EBNA1BP2: variants seen among roughly 807,000 people sequenced by gnomAD.
EBNA1BP2 encodes probable rRNA-processing protein EBP2.
A neutral mutation model predicts 43.5 loss-of-function variants in EBNA1BP2; 36 were observed. That is an observed-to-expected ratio of 0.83 (90% CI 0.63 to 1.09). The LOEUF (loss-of-function observed/expected upper bound fraction) is 1.09. Among genes scored for constraint, EBNA1BP2 ranks in the 50% least tolerant of loss-of-function variants. The pLI, the probability that EBNA1BP2 is intolerant of heterozygous loss-of-function variation, is 0.00. For synonymous variants in EBNA1BP2, 127 were observed against 141.3 expected (o/e 0.90, Z 0.72); for missense variants, 332 against 379.1 (o/e 0.88, Z 1.03).
upstream of EBNA1BP2, chr1:43,172,413 T>G: frequency 6.4e-7 from 1 of 1,551,264 alleles, no homozygotes. Flanking sequence ...GTAGCGCCTC[T>G]GGATACATGC....
chr1:43,171,792 C>A, intron 2 of EBNA1BP2, 94 bp downstream of exon 2: 1 of 1,573,340 alleles, frequency 6.4e-7, no homozygotes, highest in South Asian at 1.2e-5. Flanking sequence ...GCGCAGGGTG[C>A]ATCTTTCCTG....
chr1:43,170,680 A>G (rs926407697), intron 4 of EBNA1BP2, 76 bp downstream of exon 4: 1 of 1,544,210 alleles, frequency 6.5e-7, no homozygotes, highest in Non-Finnish European at 8.7e-7. Flanking sequence ...TTGGGCTCAT[A>G]GCTATCTTTC....
chr1:43,172,370 T>G, upstream of EBNA1BP2: 2 of 1,551,552 alleles, frequency 1.3e-6, no homozygotes, highest in Non-Finnish European at 1.7e-6. Flanking sequence ...CTACGGCGTT[T>G]GAAAGTGTCC....
rs1339842512 is a variant in EBNA1BP2 at position 43,170,744 on chromosome 1, T to A, written c.447+12A>T. Reference sequence around the variant, plus strand: ...AGTTTTGACTTTCCAGAGGAAAACTTCTATTTCTTACCTTCTGCATCTGCA... The same window carrying A: ...AGTTTTGACTTTCCAGAGGAAAACTACTATTTCTTACCTTCTGCATCTGCA... On this transcript the variant is annotated intron_variant, in intron 4 of 8. Transcript: ENST00000236051. 1.9e-6 allele frequency: 3 copies of A among 1,601,906 alleles called. No individual in the cohort carries two copies. The South Asian group carries it at 3.4e-5, about 18-fold the overall frequency.
At chr1:43,171,793 A>G in intron 2 of EBNA1BP2, 93 bp downstream of exon 2, 2 of 1,575,894 alleles carry the variant, frequency 1.3e-6, no homozygotes, top group Non-Finnish European at 8.6e-7. Flanking sequence ...CGCAGGGTGC[A>G]TCTTTCCTGG....
At chr1:43,168,505 G>A (rs115548039) in intron 5 of EBNA1BP2, among the ~76,000 whole-genome samples, 3,215 of 152,286 alleles carry the variant, frequency 0.021, 120 homozygotes, top group African/African-American at 0.074. Flanking sequence ...CTTCAGGTAC[G>A]TGATTATCAC....
intron 4 of EBNA1BP2, among the ~76,000 whole-genome samples, chr1:43,169,687 C>A (rs1188587829): frequency 2.0e-5 from 3 of 152,178 alleles, no homozygotes; most frequent in Admixed American, 6.5e-5. Context: ...CCTACACTCG[C>A]CTCCAGTATC....
chr1:43,172,391 G>C, upstream of EBNA1BP2: 1 of 1,551,522 alleles, frequency 6.4e-7, no homozygotes, highest in Non-Finnish European at 8.7e-7. Context: ...GGGTTGCTTA[G>C]GATCCCTACA....
Position 43,172,228 on chromosome 1 carries a change from C to T in EBNA1BP2, c.-110G>A, listed in dbSNP as rs1644989738. ...TGCTGCCTGCCTTCAGCCCCCTACT[C>T]CCACGCCGTGGCTCCACGTGCCACC... is the stretch of plus-strand genomic sequence containing the variant. On this transcript the variant is annotated 5_prime_UTR_variant, in exon 1 of 9. Transcript: ENST00000236051. 1 of 1,573,162 alleles carries T rather than the reference C, an allele frequency of 6.4e-7. No homozygotes were observed. Among genetic ancestry groups the T allele is most frequent in the East Asian group, 2.4e-5 (1 of 42,366 alleles).
rs201475646 is a variant in EBNA1BP2, at chr1:43,171,602, A to C, written c.200T>G (p.Val67Gly). The C allele has an allele frequency of 1.7e-5, 27 of 1,614,134 alleles. No homozygotes were observed. The highest frequency in any genetic ancestry group is 2.0e-5 in the Non-Finnish European group (24 of 1,180,028). The part of the protein sequence containing the change: ...LAEFKRDLEW[V>G]ERLDVTLGPV... ...ACCCAGTGTCACATCGAGCCTTTCAACCCATTCCAGATCCCGCTTGAATTC... is the reference window on the plus strand; with the variant it reads ...ACCCAGTGTCACATCGAGCCTTTCACCCCATTCCAGATCCCGCTTGAATTC... The change falls in exon 3 of 9, where the codon GTT (valine) becomes GGT (glycine). Residue 67 changes from valine (V) to glycine (G), a missense_variant. Transcript: ENST00000236051.
In EBNA1BP2 at chr1:43,171,569, G is replaced by T; in HGVS notation, c.233C>A (p.Pro78Gln). 1 of 1,614,118 alleles carries T rather than the reference G, an allele frequency of 6.2e-7. No individual in the cohort carries two copies. The highest frequency in any genetic ancestry group is 1.1e-5 in the South Asian group (1 of 91,076). ...ERLDVTLGPV[P>Q]EIGGSEAPAP... ...TGGCGCCTCAGATCCACCGATCTCC[G>T]GTACCGGACCCAGTGTCACATCGAG... Residue 78 changes from proline to glutamine, a missense_variant, in exon 3 of 9, where the codon CCG becomes CAG. Pro to Gln is a moderately conservative substitution (Grantham distance 76). Around this residue, in one of 3 missense-constraint regions of EBNA1BP2, gnomAD observed 182 missense variants for 173.7 expected, o/e 1.05. Transcript: ENST00000236051.
At chr1:43,170,990 T>C in intron 3 of EBNA1BP2, 111 bp from the exon 4 acceptor site, 1 of 1,400,640 alleles carries the variant, frequency 7.1e-7, no homozygotes, top group Non-Finnish European at 9.4e-7. Context: ...AAATCTGACC[T>C]CCATTAGCAA....
In EBNA1BP2 at chr1:43,172,052, C is replaced by T. The variant is rs111534541; in HGVS notation, c.66+1G>A. On this transcript the variant is annotated splice_donor_variant, in intron 1 of 8. Coordinates refer to ENST00000236051, the MANE Select transcript of EBNA1BP2 (RefSeq NM_006824.3). LOFTEE classifies it high-confidence loss of function. ...GCCCCACGAGCTCGGCTGACACCTA[C>T]CTCTCTGTCTGTGACAAGGGATTCA... The T allele has an allele frequency of 6.2e-7, 1 of 1,614,244 alleles. No homozygotes were observed. Among genetic ancestry groups the T allele is most frequent in the Non-Finnish European group, 8.5e-7 (1 of 1,180,048 alleles).
chr1:43,171,523 C>CT lies in EBNA1BP2; in HGVS notation c.278dup (p.Lys94GlufsTer4), dbSNP rs1368727120. 6.2e-7 allele frequency: 1 copy of CT among 1,612,938 alleles called. No homozygotes were observed. Among genetic ancestry groups the CT allele is most frequent in the Non-Finnish European group, 8.5e-7 (1 of 1,179,732 alleles). On this transcript the variant is annotated frameshift_variant, in exon 3 of 9. Transcript: ENST00000236051. LOFTEE classifies it high-confidence loss of function. ...AGTCGTCTTCTGGATCAACAGCTTT[C>CT]TGGTCCTTGTTCTGAGGTGCTGGCG...
intron 6 of EBNA1BP2, 88 bp from the exon 7 acceptor site, chr1:43,167,007 C>G: frequency 2.0e-6 from 3 of 1,524,416 alleles, no homozygotes; most frequent in East Asian, 4.5e-5. Flanking sequence ...ATTTGCTACA[C>G]TGATTTTAAG....
intron 2 of EBNA1BP2, 72 bp from the exon 3 acceptor site, chr1:43,171,723 G>A (rs1029918005): frequency 6.3e-7 from 1 of 1,583,978 alleles, no homozygotes; most frequent in Non-Finnish European, 8.6e-7. Context: ...AGGCTGTTAG[G>A]CGAAGGGACA....
rs765848305 is a variant in EBNA1BP2, at chr1:43,164,396, C to T, written c.*47G>A. 15 of 1,609,502 alleles carry T rather than the reference C, an allele frequency of 9.3e-6. No homozygotes were observed. Among genetic ancestry groups the T allele is most frequent in the Middle Eastern group, 1.6e-4 (1 of 6,078 alleles). On this transcript the variant is annotated 3_prime_UTR_variant, in exon 9 of 9. Transcript: ENST00000236051. ...GGGATCAAAGTGTGTCGTGAAATTG[C>T]GAGTCTTCATTCCTTTTTCTTGGTT... is the stretch of plus-strand genomic sequence containing the variant.
intron 4 of EBNA1BP2, 107 bp downstream of exon 4, chr1:43,170,649 C>G (rs1409402317): frequency 1.3e-6 from 2 of 1,489,006 alleles, no homozygotes; most frequent in Non-Finnish European, 1.8e-6. Context: ...TAATTGTCCT[C>G]TGACAACTGG....
chr1:43,164,384 G>A lies in EBNA1BP2; in HGVS notation c.*59C>T, dbSNP rs1165301238. 5 of 1,598,222 alleles carry A rather than the reference G, an allele frequency of 3.1e-6. No homozygotes were observed. Among genetic ancestry groups the A allele is most frequent in the Non-Finnish European group, 4.3e-6 (5 of 1,165,696 alleles). On this transcript the variant is annotated 3_prime_UTR_variant, in exon 9 of 9. Transcript: ENST00000236051. ...ACACCAACAGAAGGGATCAAAGTGTGTCGTGAAATTGCGAGTCTTCATTCC... is the reference window on the plus strand; with the variant it reads ...ACACCAACAGAAGGGATCAAAGTGTATCGTGAAATTGCGAGTCTTCATTCC...
Sources: allele counts gnomAD v4.1 joint callset (sites outside exome capture counted in the v4.1 genomes callset), GRCh38; gene constraint gnomAD v4.1.1; regional missense constraint gnomAD v4.1.1; transcripts MANE v1.5; gene names NCBI Gene and HGNC (gene_info 2026-07-23, HGNC 2026-07-21).